LRRC4C: variants seen among roughly 807,000 people sequenced by gnomAD.
LRRC4C encodes leucine-rich repeat-containing protein 4C.
In LRRC4C, 5 loss-of-function variants were observed where a neutral mutation model predicts 33.6. The observed-to-expected ratio is 0.15, with a 90% CI of 0.08 to 0.31. LRRC4C has a LOEUF of 0.31. Among genes scored for constraint, LRRC4C ranks in the 10% least tolerant of loss-of-function variants. The pLI is 1.00. For synonymous variants in LRRC4C, 329 were observed against 302.0 expected (o/e 1.09, Z -0.93); for missense variants, 560 against 796.7 (o/e 0.70, Z 3.58).
chr11:40,584,559 A>G (rs917618609), intron 3 of LRRC4C, among the ~76,000 whole-genome samples: 2 of 152,096 alleles, frequency 1.3e-5, no homozygotes, highest in Non-Finnish European at 2.9e-5. Context: ...TGGAAAAACA[A>G]TTTGTCATCG....
rs117656788 is a variant in LRRC4C, at chr11:40,199,684, T to G, written c.-96+41835A>C. Among the ~76,000 whole-genome samples the G allele has an allele frequency of 5.2e-3, 797 of 152,298 alleles. 8 individuals are homozygous for G. Among genetic ancestry groups the G allele is most frequent in the South Asian group, 0.012 (59 of 4,820 alleles). ...ATTCTAGAGTTTAATTATACAACATTCCTTTAAGATGGCTGAACTATATCT... is the reference window on the plus strand; with the variant it reads ...ATTCTAGAGTTTAATTATACAACATGCCTTTAAGATGGCTGAACTATATCT... On this transcript the variant is annotated intron_variant, in intron 5 of 6. Coordinates refer to ENST00000528697, the MANE Select transcript of LRRC4C (RefSeq NM_001258419.2).
Position 40,543,392 on chromosome 11 carries a change from A to G in LRRC4C, c.-270+104750T>C, listed in dbSNP as rs1956799504. Among the ~76,000 whole-genome samples, 4 of 152,118 alleles carry G rather than the reference A, an allele frequency of 2.6e-5. No individual in the cohort carries two copies. The South Asian group carries it at 8.3e-4, about 32-fold the overall frequency. ...CTTCTTTATGCCTTTGTTATATGCC[A>G]AACTATACACTCACCAAATCTGCAC... On this transcript the variant is annotated intron_variant, in intron 3 of 6. Coordinates refer to ENST00000528697, the MANE Select transcript of LRRC4C (RefSeq NM_001258419.2).
chr11:40,165,586 A>T (rs1489614256), intron 5 of LRRC4C, among the ~76,000 whole-genome samples: 1 of 152,192 alleles, frequency 6.6e-6, no homozygotes, highest in Admixed American at 6.5e-5. Flanking sequence ...GTGATATGTT[A>T]GTTCTGTGAC....
intron 1 of LRRC4C, among the ~76,000 whole-genome samples, chr11:41,019,060 C>T (rs910636648): frequency 6.6e-6 from 1 of 152,136 alleles, no homozygotes; most frequent in African/African-American, 2.4e-5. Context: ...TTCCTTATGT[C>T]TTCTAAAAAA....
intron 1 of LRRC4C, among the ~76,000 whole-genome samples, chr11:40,980,646 C>T (rs572785619): frequency 2.6e-5 from 4 of 152,248 alleles, no homozygotes; most frequent in South Asian, 2.1e-4. Flanking sequence ...AAAATACTTG[C>T]GGGTTATGGT....
intron 1 of LRRC4C, among the ~76,000 whole-genome samples, chr11:41,444,227 C>T (rs1955747788): frequency 6.6e-6 from 1 of 152,046 alleles, no homozygotes; most frequent in African/African-American, 2.4e-5. Flanking sequence ...TTCAGCCAAC[C>T]ACAGATGGAA....
At chr11:40,666,094 G>C (rs1943794916) in intron 2 of LRRC4C, among the ~76,000 whole-genome samples, 1 of 151,972 alleles carries the variant, frequency 6.6e-6, no homozygotes, top group African/African-American at 2.4e-5. Context: ...TTCAATTGAA[G>C]AATAGATAAA....
chr11:40,653,676 A>T (rs1261850092), intron 2 of LRRC4C, among the ~76,000 whole-genome samples: 1 of 152,250 alleles, frequency 6.6e-6, no homozygotes, highest in Non-Finnish European at 1.5e-5. Context: ...TGATGATGCG[A>T]TAGAAAAGAA....
chr11:41,394,266 T>C (rs1480986529), intron 1 of LRRC4C, among the ~76,000 whole-genome samples: 1 of 151,966 alleles, frequency 6.6e-6, no homozygotes, highest in African/African-American at 2.4e-5. Context: ...AGTCCATTTC[T>C]AGGAGGGAAA....
chr11:41,373,983 T>C (rs532247635), intron 1 of LRRC4C, among the ~76,000 whole-genome samples: 1 of 152,298 alleles, frequency 6.6e-6, no homozygotes, highest in Admixed American at 6.5e-5. Flanking sequence ...ATTGTGCTAG[T>C]AAAAAAATTT....
At chr11:40,256,466 T>G (rs999005) in intron 4 of LRRC4C, among the ~76,000 whole-genome samples, 9,253 of 152,108 alleles carry the variant, frequency 0.061, 934 homozygotes, top group African/African-American at 0.21. Flanking sequence ...ATGGCTCAAA[T>G]CTAGGACTCT....
intron 2 of LRRC4C, among the ~76,000 whole-genome samples, chr11:40,668,611 C>A (rs548793070): frequency 6.6e-6 from 1 of 152,242 alleles, no homozygotes. Context: ...CATACTGATA[C>A]CTGAGCAAAG....
At chr11:40,864,280 G>A (rs1196441799) in intron 2 of LRRC4C, among the ~76,000 whole-genome samples, 1 of 151,996 alleles carries the variant, frequency 6.6e-6, no homozygotes, top group Non-Finnish European at 1.5e-5. Context: ...TATTGGCCAG[G>A]CTGGTCTTGA....
At chr11:40,216,149 T>G (rs919292232) in intron 5 of LRRC4C, among the ~76,000 whole-genome samples, 1 of 152,158 alleles carries the variant, frequency 6.6e-6, no homozygotes, top group Non-Finnish European at 1.5e-5. Flanking sequence ...AAATCTTAAT[T>G]TTTTAGATAC....
At chr11:41,406,974 A>G (rs932115305) in intron 1 of LRRC4C, among the ~76,000 whole-genome samples, 1 of 152,170 alleles carries the variant, frequency 6.6e-6, no homozygotes, top group African/African-American at 2.4e-5. Flanking sequence ...TATTGTTTAT[A>G]AAAGGGAAAA....
intron 1 of LRRC4C, among the ~76,000 whole-genome samples, chr11:41,456,043 T>C (rs1956162479): frequency 6.6e-6 from 1 of 152,194 alleles, no homozygotes; most frequent in Non-Finnish European, 1.5e-5. Context: ...ATCCATCTTT[T>C]ATTTTGTAAT....
rs1357365828 is a variant in LRRC4C, at chr11:40,858,018, G to GGAC, written c.-407+75616_-407+75617insGTC. 6.2e-3 allele frequency among the ~76,000 whole-genome samples: 694 copies of GGAC among 111,244 alleles called. 3 individuals carry two copies. Among genetic ancestry groups the GGAC allele is most frequent in the Admixed American group, 0.01 (105 of 10,070 alleles). The allele number at this position is 111,244 out of a possible 152,430, so 73.0% of individuals were successfully genotyped here. A position where few individuals can be genotyped will look rare whatever the true frequency, so the allele number is the denominator to read the frequency against. ...GGGACAGGGACAGGGACAAGGAAAG[G>GGAC]AAGGGAAGGGAAGGGAAGGGAAGGG... On this transcript the variant is annotated intron_variant, in intron 2 of 6. Coordinates refer to ENST00000528697, the MANE Select transcript of LRRC4C (RefSeq NM_001258419.2).
chr11:40,533,908 C>A (rs1019219215), intron 3 of LRRC4C, among the ~76,000 whole-genome samples: 1 of 152,114 alleles, frequency 6.6e-6, no homozygotes, highest in Non-Finnish European at 1.5e-5. Context: ...AGGATAATAC[C>A]TGCCTCCAAA....
At chr11:41,068,683 C>A (rs12419049) in intron 1 of LRRC4C, among the ~76,000 whole-genome samples, 44,959 of 151,864 alleles carry the variant, frequency 0.3, 7,037 homozygotes, top group African/African-American at 0.38. Flanking sequence ...CACCTTCATA[C>A]ACATACTTAT....
Sources: allele counts gnomAD v4.1 joint callset (sites outside exome capture counted in the v4.1 genomes callset), GRCh38; gene constraint gnomAD v4.1.1; transcripts MANE v1.5; gene names NCBI Gene and HGNC (gene_info 2026-07-23, HGNC 2026-07-21).